Variants in TSPAN11 observed in about 807,000 individuals in gnomAD.
TSPAN11 encodes tetraspanin-11.
In TSPAN11, 29 loss-of-function variants were observed where a neutral mutation model predicts 32.9. The observed-to-expected ratio is 0.88, with a 90% CI of 0.66 to 1.20. The LOEUF (loss-of-function observed/expected upper bound fraction) is 1.20, where lower values mean the gene tolerates loss of function less well. TSPAN11 is among the 50% of genes most tolerant of loss of function. The pLI is 0.00. For missense variants in TSPAN11, 283 were observed against 329.1 expected (o/e 0.86, Z 1.08); for synonymous variants, 140 against 141.3 (o/e 0.99, Z 0.07).
chr12:30,994,523 G>C lies in TSPAN11; in HGVS notation c.*2608G>C, dbSNP rs1036059297. 1.3e-5 allele frequency: 2 copies of C among 152,226 alleles called. No homozygotes were observed. Among genetic ancestry groups the C allele is most frequent in the African/African-American group, 4.8e-5 (2 of 41,456 alleles). 9.4% of individuals were successfully genotyped at this position (152,226 alleles called of 1,614,324 possible). ...CTGAGCTCGCAGGGGCAGACACCAA[G>C]AGAAGGGCGCGTCCCCGAGTCCCCT... On this transcript the variant is annotated 3_prime_UTR_variant, in exon 8 of 8. Transcript: ENST00000546076.
At chr12:30,978,528 C>T (rs774453710) in intron 3 of TSPAN11, 33 bp from the exon 4 acceptor site, 3 of 1,609,222 alleles carry the variant, frequency 1.9e-6, no homozygotes, top group Non-Finnish European at 2.6e-6. Context: ...CAACCCGATC[C>T]CAGTGGTGAC....
chr12:30,959,167 C>G (rs983440744), intron 2 of TSPAN11, among the ~76,000 whole-genome samples: 1 of 152,092 alleles, frequency 6.6e-6, no homozygotes, highest in Non-Finnish European at 1.5e-5. Flanking sequence ...GGGCGGCTCC[C>G]GGGTACCAGG....
At chr12:30,956,585 G>A (rs573941272) in intron 2 of TSPAN11, among the ~76,000 whole-genome samples, 1 of 152,172 alleles carries the variant, frequency 6.6e-6, no homozygotes, top group East Asian at 1.9e-4. Flanking sequence ...TTAAGCTGAT[G>A]TCGATTGGAT....
intron 7 of TSPAN11, among the ~76,000 whole-genome samples, chr12:30,985,024 C>T (rs1419681182): frequency 6.6e-6 from 1 of 152,176 alleles, no homozygotes; most frequent in African/African-American, 2.4e-5. Context: ...GGACAGTGGC[C>T]TTGGCTGGCT....
intron 1 of TSPAN11, among the ~76,000 whole-genome samples, chr12:30,927,384 G>A (rs907711460): frequency 5.3e-5 from 8 of 152,254 alleles, no homozygotes; most frequent in African/African-American, 1.9e-4. Flanking sequence ...TGGAAAGAAG[G>A]CATGGAAGGT....
At chr12:30,981,922 C>A (rs1468367863) in intron 5 of TSPAN11, among the ~76,000 whole-genome samples, 1 of 152,218 alleles carries the variant, frequency 6.6e-6, no homozygotes, top group Non-Finnish European at 1.5e-5. Context: ...CAAGAAGCAA[C>A]CCATGTCCAC....
chr12:30,982,626 G>T lies in TSPAN11; in HGVS notation c.551G>T (p.Cys184Phe). 6.2e-7 allele frequency: 1 copy of T among 1,612,380 alleles called. No individual in the cohort carries two copies. The highest frequency in any genetic ancestry group is 1.7e-5 in the Admixed American group (1 of 59,972). Reference protein sequence around the residue: ...EAEGRQVPDSCCKTVVVRCGQ... With the variant: ...EAEGRQVPDSFCKTVVVRCGQ... Reference sequence around the variant, plus strand: ...GAGGGCCGCCAGGTGCCCGACAGCTGCTGCAAGACAGTGGTGGTGCGCTGC... The same window carrying T: ...GAGGGCCGCCAGGTGCCCGACAGCTTCTGCAAGACAGTGGTGGTGCGCTGC... Residue 184 changes from cysteine (C) to phenylalanine (F), a missense_variant, in exon 6 of 8, where the codon TGC (cysteine) becomes TTC (phenylalanine). Cys to Phe is a radical substitution (Grantham distance 205, BLOSUM62 -2). Transcript: ENST00000546076.
chr12:30,941,283 G>A (rs1317470931), intron 1 of TSPAN11, among the ~76,000 whole-genome samples: 3 of 152,188 alleles, frequency 2.0e-5, no homozygotes, highest in Non-Finnish European at 4.4e-5. Flanking sequence ...TGCTATACTT[G>A]GGGATCTTGG....
intron 2 of TSPAN11, among the ~76,000 whole-genome samples, chr12:30,960,685 G>A (rs189073011): frequency 3.3e-5 from 5 of 152,012 alleles, no homozygotes; most frequent in Admixed American, 1.3e-4. Context: ...CATCCTTGTC[G>A]CCTGGCTTCA....
chr12:30,979,043 T>A (rs976172966), intron 4 of TSPAN11: 5 of 258,666 alleles, frequency 1.9e-5, no homozygotes, highest in African/African-American at 1.1e-4. Flanking sequence ...AGTCCTAGAG[T>A]CAGTCCTATC....
At chr12:30,970,769 G>A (rs1938832295) in intron 3 of TSPAN11, among the ~76,000 whole-genome samples, 1 of 152,180 alleles carries the variant, frequency 6.6e-6, no homozygotes, top group Non-Finnish European at 1.5e-5. Flanking sequence ...GAGGGGTAGA[G>A]GTTACCTCCA....
chr12:30,954,102 C>A, intron 2 of TSPAN11, 27 bp downstream of exon 2: 1 of 1,553,878 alleles, frequency 6.4e-7, no homozygotes, highest in Non-Finnish European at 8.9e-7. Context: ...CACACATCCT[C>A]TTCCCCGAGC....
At chr12:30,952,118 G>A (rs1285406308) in intron 1 of TSPAN11, among the ~76,000 whole-genome samples, 1 of 152,176 alleles carries the variant, frequency 6.6e-6, no homozygotes, top group Non-Finnish European at 1.5e-5. Context: ...GCAGGGCCCT[G>A]ACTCTGTGGT....
chr12:30,981,241 GGC>G (rs1328517187), intron 5 of TSPAN11, among the ~76,000 whole-genome samples: 1 of 152,166 alleles, frequency 6.6e-6, no homozygotes, highest in Non-Finnish European at 1.5e-5. Context: ...AGAAAGCAGT[GGC>G]TGCAGAGCCA....
At chr12:30,978,777 T>C (rs35097) in intron 4 of TSPAN11, 142 bp downstream of exon 4, 693,714 of 737,220 alleles carry the variant, frequency 0.94, 327,186 homozygotes, top group Non-Finnish European at 0.96. Flanking sequence ...TCCCCCTACA[T>C]ATCTGCATCC....
intron 2 of TSPAN11, among the ~76,000 whole-genome samples, chr12:30,958,505 C>T (rs1202334264): frequency 1.3e-5 from 2 of 152,068 alleles, no homozygotes; most frequent in South Asian, 2.1e-4. Flanking sequence ...GGGTGCCGTC[C>T]ACCCTGCCTG....
rs546632662 is a variant in TSPAN11, at chr12:30,927,320, C to T, written c.-12+524C>T. Among the ~76,000 whole-genome samples, 6 of 152,366 alleles carry T rather than the reference C, an allele frequency of 3.9e-5. No homozygotes were observed. The South Asian group carries it at 1.2e-3, about 32-fold the overall frequency. On this transcript the variant is annotated intron_variant, in intron 1 of 7. Coordinates refer to ENST00000546076, the MANE Select transcript of TSPAN11 (RefSeq NM_001370302.1). Reference sequence around the variant, plus strand: ...TTGTGACAACATGGCTGTGTAGGCCCTGTCACCTGTGTTTTCGTGCCCATC... The same window carrying T: ...TTGTGACAACATGGCTGTGTAGGCCTTGTCACCTGTGTTTTCGTGCCCATC...
At chr12:31,001,462 C>G (rs968533098), downstream of TSPAN11, among the ~76,000 whole-genome samples, 1 of 152,200 alleles carries the variant, frequency 6.6e-6, no homozygotes, top group Admixed American at 6.5e-5. Flanking sequence ...ATCATGTTCA[C>G]TCTTCTGGGG....
At chr12:30,957,650 TC>T (rs1474128085) in intron 2 of TSPAN11, among the ~76,000 whole-genome samples, 1 of 41,560 alleles carries the variant, frequency 2.4e-5, no homozygotes, top group Admixed American at 2.9e-4. Flanking sequence ...CCTCCCTCCC[TC>T]CCTTCCTCCC....
Sources: allele counts gnomAD v4.1 joint callset (sites outside exome capture counted in the v4.1 genomes callset), GRCh38; gene constraint gnomAD v4.1.1; transcripts MANE v1.5; gene names NCBI Gene and HGNC (gene_info 2026-07-23, HGNC 2026-07-21).